The following PRKAR2B variants were observed in gnomAD, a reference collection of about 807,000 sequenced individuals.
PRKAR2B encodes cAMP-dependent protein kinase type II-beta regulatory subunit.
A neutral mutation model predicts 49.9 loss-of-function variants in PRKAR2B; 14 were observed. That is an observed-to-expected ratio of 0.28 (90% CI 0.19 to 0.44). PRKAR2B has a LOEUF of 0.44. Among genes scored for constraint, PRKAR2B ranks in the 20% least tolerant of loss-of-function variants. The probability of loss-of-function intolerance (pLI) is 1.00; values close to 1 mark genes in which losing one functional copy is unlikely to be tolerated. For missense variants in PRKAR2B, 393 were observed against 537.9 expected (o/e 0.73, Z 2.67); for synonymous variants, 196 against 197.7 (o/e 0.99, Z 0.07).
At chr7:107,048,046 A>G (rs191681105) in intron 1 of PRKAR2B, among the ~76,000 whole-genome samples, 6 of 152,284 alleles carry the variant, frequency 3.9e-5, no homozygotes, top group Admixed American at 3.9e-4. Context: ...GCTTTATGAG[A>G]ACGATAAGGC....
chr7:107,067,586 A>ATTTT (rs1794178741), intron 1 of PRKAR2B, among the ~76,000 whole-genome samples: 1 of 152,234 alleles, frequency 6.6e-6, no homozygotes, highest in Non-Finnish European at 1.5e-5. Flanking sequence ...ATAGCAAGTA[A>ATTTT]AATGTATTTC....
In PRKAR2B at chr7:107,132,622, G is replaced by A. The variant is rs1795623301; in HGVS notation, c.480+4327G>A. On this transcript the variant is annotated intron_variant, in intron 4 of 10. Coordinates refer to ENST00000265717, the MANE Select transcript of PRKAR2B (RefSeq NM_002736.3). The stretch of plus-strand genomic sequence containing the variant: ...TGGTACTTGGTGATTGATTTAGTTG[G>A]GGACTGAAGGAAAGAATCTAGGATG... 2.6e-5 allele frequency among the ~76,000 whole-genome samples: 4 copies of A among 152,086 alleles called. No homozygotes were observed. In the South Asian group the frequency reaches 8.3e-4, roughly 32 times the overall value.
At chr7:107,072,231 G>A (rs1281402030) in intron 2 of PRKAR2B, among the ~76,000 whole-genome samples, 5 of 152,014 alleles carry the variant, frequency 3.3e-5, no homozygotes, top group Middle Eastern at 3.4e-3. Flanking sequence ...ACAGGAAACA[G>A]TTTGGTATAA....
chr7:107,153,100 C>A, intron 7 of PRKAR2B, 77 bp from the exon 8 acceptor site: 2 of 1,064,494 alleles, frequency 1.9e-6, no homozygotes, highest in South Asian at 3.1e-5. Context: ...TATAGGCTAC[C>A]AGTTTTTTAC....
intron 4 of PRKAR2B, among the ~76,000 whole-genome samples, chr7:107,129,907 G>A (rs1049906422): frequency 3.9e-5 from 6 of 152,118 alleles, no homozygotes; most frequent in Non-Finnish European, 8.8e-5. Context: ...ACTTTGGTGG[G>A]TTTTGGCTGG....
chr7:107,072,862 T>C (rs897296644), intron 2 of PRKAR2B, among the ~76,000 whole-genome samples: 1 of 152,208 alleles, frequency 6.6e-6, no homozygotes, highest in Non-Finnish European at 1.5e-5. Flanking sequence ...CCCATAAAAC[T>C]TTAATGTAAG....
intron 1 of PRKAR2B, among the ~76,000 whole-genome samples, chr7:107,058,447 T>C (rs1008363634): frequency 6.6e-6 from 1 of 152,190 alleles, no homozygotes; most frequent in Non-Finnish European, 1.5e-5. Context: ...TTAGTATGTG[T>C]TTTTATTCTG....
intron 4 of PRKAR2B, among the ~76,000 whole-genome samples, chr7:107,137,439 A>G (rs534670071): frequency 6.6e-6 from 1 of 152,306 alleles, no homozygotes; most frequent in African/African-American, 2.4e-5. Flanking sequence ...TGGTGAATGG[A>G]TATATGACAG....
At chr7:107,098,870 C>G (rs1253062783) in intron 2 of PRKAR2B, among the ~76,000 whole-genome samples, 1 of 152,180 alleles carries the variant, frequency 6.6e-6, no homozygotes, top group Non-Finnish European at 1.5e-5. Context: ...CTGATCCTTT[C>G]TCTGGAAGCT....
At position 107,144,052 on chromosome 7, in the gene PRKAR2B, T is replaced by TA. The variant is rs1795839602; in HGVS notation, c.588-2256_588-2255insA. 6.7e-5 allele frequency among the ~76,000 whole-genome samples: 9 copies of TA among 134,620 alleles called. No homozygotes were observed. The South Asian group carries it at 7.4e-4, about 11-fold the overall frequency. 88.3% of individuals were successfully genotyped at this position (134,620 alleles called of 152,430 possible). On this transcript the variant is annotated intron_variant, in intron 5 of 10. Transcript: ENST00000265717. ...GAATGACATTGAAAACCAATTCTTT[T>TA]CTTATTTATTTATTTATTTATTTAT...
intron 3 of PRKAR2B, 64 bp downstream of exon 3, chr7:107,122,068 T>A (rs1426551694): frequency 1.7e-5 from 20 of 1,150,808 alleles, no homozygotes; most frequent in Non-Finnish European, 2.5e-5. Flanking sequence ...AGGAAAATAA[T>A]CATAGAAAAG....
chr7:107,122,051 A>G (rs773258953), intron 3 of PRKAR2B, 47 bp downstream of exon 3: 5 of 1,241,736 alleles, frequency 4.0e-6, no homozygotes, highest in Non-Finnish European at 3.4e-6. Flanking sequence ...TGCCCTTGTC[A>G]TATATAAGGA....
At chr7:107,149,526 C>G (rs2115661716) in intron 6 of PRKAR2B, among the ~76,000 whole-genome samples, 1 of 152,136 alleles carries the variant, frequency 6.6e-6, no homozygotes, top group South Asian at 2.1e-4. Context: ...GGCAAGGGAG[C>G]TCATTGGGAT....
At chr7:107,155,253 G>T (rs1040666882) in intron 8 of PRKAR2B, among the ~76,000 whole-genome samples, 2 of 152,102 alleles carry the variant, frequency 1.3e-5, no homozygotes, top group African/African-American at 4.8e-5. Context: ...TACAGTGGTA[G>T]AGAATATATT....
chr7:107,076,445 CT>C (rs1281827886), intron 2 of PRKAR2B, among the ~76,000 whole-genome samples: 1 of 151,884 alleles, frequency 6.6e-6, no homozygotes, highest in African/African-American at 2.4e-5. Context: ...TTGAAATTTG[CT>C]TTTTCAGAGT....
chr7:107,149,576 A>G (rs1795947444), intron 6 of PRKAR2B, among the ~76,000 whole-genome samples: 1 of 152,090 alleles, frequency 6.6e-6, no homozygotes, highest in African/African-American at 2.4e-5. Flanking sequence ...TGAGGGCTCC[A>G]GCCTCATGAC....
chr7:107,075,424 G>A (rs1161501241), intron 2 of PRKAR2B, among the ~76,000 whole-genome samples: 2 of 150,410 alleles, frequency 1.3e-5, no homozygotes, highest in East Asian at 3.9e-4. Context: ...TTTTAAGACA[G>A]GATTTCACTC....
At chr7:107,058,637 A>G (rs906874242) in intron 1 of PRKAR2B, among the ~76,000 whole-genome samples, 9 of 152,346 alleles carry the variant, frequency 5.9e-5, no homozygotes, top group African/African-American at 2.2e-4. Context: ...CTTTTGATGC[A>G]TAATAATTCC....
intron 3 of PRKAR2B, among the ~76,000 whole-genome samples, chr7:107,123,365 A>G (rs1795423049): frequency 6.6e-6 from 1 of 152,174 alleles, no homozygotes; most frequent in African/African-American, 2.4e-5. Flanking sequence ...GGGAGGCTAT[A>G]CCAGTTAAGA....
Sources: allele counts gnomAD v4.1 joint callset (sites outside exome capture counted in the v4.1 genomes callset), GRCh38; gene constraint gnomAD v4.1.1; transcripts MANE v1.5; gene names NCBI Gene and HGNC (gene_info 2026-07-23, HGNC 2026-07-21).